Variants in NAV1 observed in about 807,000 individuals in gnomAD.
NAV1 encodes neuron navigator 1.
In NAV1, 18 loss-of-function variants were observed where a neutral mutation model predicts 175.2. The observed-to-expected ratio is 0.10, with a 90% CI of 0.07 to 0.15. NAV1 has a LOEUF of 0.15. Ranked by LOEUF, NAV1 falls within the 10% of genes least tolerant of loss-of-function variation. The pLI is 1.00. For synonymous variants in NAV1, 897 were observed against 978.7 expected, an observed-to-expected ratio of 0.92 and a Z score of 1.56; for missense variants, 1,731 against 2,436.6, an observed-to-expected ratio of 0.71 and a Z score of 6.10.
At chr1:201,817,364 T>C (rs1034239908) in intron 29 of NAV1, 79 bp downstream of exon 33, 1 of 1,344,948 alleles carries the variant, frequency 7.4e-7, no homozygotes, top group Non-Finnish European at 1.0e-6. Context: ...CTCACACCTG[T>C]AATCCCAGCA....
chr1:201,746,820 G>C (rs1257021304), intron 3 of NAV1, among the ~76,000 whole-genome samples: 1 of 151,940 alleles, frequency 6.6e-6, no homozygotes, highest in Non-Finnish European at 1.5e-5. Flanking sequence ...GGGAAACATG[G>C]GGAAACCTCC....
chr1:201,568,222 G>A (rs914392664), intron 1 of NAV1, among the ~76,000 whole-genome samples: 5 of 152,186 alleles, frequency 3.3e-5, no homozygotes, highest in African/African-American at 1.2e-4. Flanking sequence ...ATCAGAGCAA[G>A]CCCCTTGCCC....
Position 201,785,296 on chromosome 1 carries a change from T to G in NAV1, c.2805-14T>G, listed in dbSNP as rs12146023. The G allele has an allele frequency of 6.2e-7, 1 of 1,600,560 alleles. No homozygotes were observed. The highest frequency in any genetic ancestry group is 2.2e-5 in the East Asian group (1 of 44,824). ...TCTCTCTCTCTCTTTTTTTTTTTTT[T>G]TTTATCTCCACAGTAATCAGCGGGA... is the stretch of plus-strand genomic sequence containing the variant. On this transcript the variant is annotated splice_polypyrimidine_tract_variant and intron_variant, in intron 7 of 29. Transcript: ENST00000367296.
chr1:201,635,472 T>C (rs953376698), intron 2 of NAV1, among the ~76,000 whole-genome samples: 2 of 152,204 alleles, frequency 1.3e-5, no homozygotes, highest in Non-Finnish European at 2.9e-5. Flanking sequence ...AGCCTAGAGC[T>C]GTGCAGTGTA....
In NAV1 at chr1:201,694,041, G is replaced by T. The variant is rs906692162; in HGVS notation, c.758-18776G>T. On this transcript the variant is annotated intron_variant, in intron 1 of 29. Coordinates refer to ENST00000367296, the Ensembl canonical transcript of NAV1. This position sits in a 1 kb window ranked among gnomAD's most constrained non-coding sequence, Gnocchi z 4.2. Reference sequence around the variant, plus strand: ...TCTCCACAGTGTGTCCCCCAGTTTGGCTTCCTGGTGGGGGAGGGGACACAC... The same window carrying T: ...TCTCCACAGTGTGTCCCCCAGTTTGTCTTCCTGGTGGGGGAGGGGACACAC... 2.6e-5 allele frequency among the ~76,000 whole-genome samples: 4 copies of T among 152,230 alleles called. No homozygotes were observed. Among genetic ancestry groups the T allele is most frequent in the Non-Finnish European group, 5.9e-5 (4 of 68,038 alleles).
At chr1:201,616,442 A>T (rs1422676998) in intron 2 of NAV1, among the ~76,000 whole-genome samples, 4 of 152,016 alleles carry the variant, frequency 2.6e-5, no homozygotes, top group Non-Finnish European at 5.9e-5. Flanking sequence ...CCTCACTGAC[A>T]GATCATGACA....
intron 3 of NAV1, among the ~76,000 whole-genome samples, chr1:201,751,978 G>A (rs1413305253): frequency 6.6e-6 from 1 of 152,110 alleles, no homozygotes; most frequent in African/African-American, 2.4e-5. Flanking sequence ...TCACATGCAT[G>A]GAAAACTCAC....
rs149346686 is a variant in NAV1 at position 201,763,357 on chromosome 1, G to C, written c.1227-17064G>C. Among the ~76,000 whole-genome samples the C allele has an allele frequency of 1.1e-3, 175 of 152,302 alleles. 4 individuals carry two copies. The East Asian group carries it at 0.03, about 26-fold the overall frequency. The stretch of plus-strand genomic sequence containing the variant: ...GGACTGCCTTTTATCTTTTGAAGGT[G>C]AATTTGATGGTATCCCTGAGAATTT... On this transcript the variant is annotated intron_variant, in intron 3 of 29. Transcript: ENST00000367296.
In NAV1 at chr1:201,810,020, C is replaced by T; in HGVS notation, c.4476C>T (p.Ser1492=). The T allele has an allele frequency of 6.2e-7, 1 of 1,614,130 alleles. No homozygotes were observed. The highest frequency in any genetic ancestry group is 8.5e-7 in the Non-Finnish European group (1 of 1,180,028). Reference sequence around the variant, plus strand: ...AGTCCATCCATGGCTACAGCATCAGCCACGTGAAACGAGTGTTGGATGCAG... The same window carrying T: ...AGTCCATCCATGGCTACAGCATCAGTCACGTGAAACGAGTGTTGGATGCAG... The change falls in exon 23 of 30, where the codon AGC becomes AGT. Residue 1492 remains serine, a synonymous_variant. Transcript: ENST00000367296. The surrounding 1 kb of genome is among the most constrained non-coding windows in gnomAD (Gnocchi z 6.0).
At chr1:201,560,621 T>G (rs1666169274) in intron 1 of NAV1, among the ~76,000 whole-genome samples, 2 of 152,218 alleles carry the variant, frequency 1.3e-5, no homozygotes, top group African/African-American at 4.8e-5. Context: ...CAGCAGGCCC[T>G]GAGAAACAGG....
chr1:201,684,407 A>G (rs968409805), intron 1 of NAV1, among the ~76,000 whole-genome samples: 79 of 151,966 alleles, frequency 5.2e-4, no homozygotes, highest in African/African-American at 1.7e-3. Context: ...AATATTAGTT[A>G]ATACTGATGT....
chr1:201,804,438 C>CTTT, intron 16 of NAV1, 51 bp from the exon 21 acceptor site: 1 of 1,153,774 alleles, frequency 8.7e-7, no homozygotes. Context: ...AGTGTTGATT[C>CTTT]TTTTTTTTTT....
intron 1 of NAV1, among the ~76,000 whole-genome samples, chr1:201,670,377 T>C (rs1669991531): frequency 1.3e-5 from 1 of 78,954 alleles, no homozygotes; most frequent in African/African-American, 5.9e-5. Context: ...CGAGACTCCA[T>C]CTCAAAAAAA....
chr1:201,696,959 G>C (rs1671218940), intron 1 of NAV1, among the ~76,000 whole-genome samples: 1 of 152,154 alleles, frequency 6.6e-6, no homozygotes, highest in African/African-American at 2.4e-5. Flanking sequence ...TCTTGCCTCA[G>C]AACATTGCCT....
chr1:201,689,509 T>C, intron 1 of NAV1, among the ~76,000 whole-genome samples: 1 of 152,194 alleles, frequency 6.6e-6, no homozygotes, highest in East Asian at 1.9e-4. Flanking sequence ...CAGAGACTCC[T>C]AGGTTCATAA....
intron 1 of NAV1, among the ~76,000 whole-genome samples, chr1:201,572,093 T>G (rs1464467949): frequency 6.6e-6 from 1 of 152,204 alleles, no homozygotes; most frequent in East Asian, 1.9e-4. Flanking sequence ...TTTACTCAGG[T>G]TCCTCAGAGA....
chr1:201,593,902 G>A (rs181879500), intron 2 of NAV1, among the ~76,000 whole-genome samples: 136 of 152,230 alleles, frequency 8.9e-4, no homozygotes, highest in Non-Finnish European at 1.5e-3. Context: ...CCAGGATGGG[G>A]ATGAATCAAG....
At chr1:201,624,193 TAGAC>T (rs907027951) in intron 1 of NAV1, among the ~76,000 whole-genome samples, 3 of 152,198 alleles carry the variant, frequency 2.0e-5, no homozygotes, top group African/African-American at 7.2e-5. Context: ...AGTAATGCTT[TAGAC>T]AGACAGGTGT....
intron 3 of NAV1, among the ~76,000 whole-genome samples, chr1:201,748,884 A>G (rs1673931436): frequency 6.6e-6 from 1 of 152,130 alleles, no homozygotes; most frequent in African/African-American, 2.4e-5. Context: ...GTGGTGGTTC[A>G]CACCTGTAAT....
Sources: gnomAD v4.1 joint callset for allele counts (sites outside exome capture counted in the v4.1 genomes callset) on GRCh38, gnomAD v4.1.1 for gene constraint, Gnocchi (gnomAD v3.1) non-coding constraint, MANE v1.5 for transcripts, NCBI Gene and HGNC (gene_info 2026-07-23, HGNC 2026-07-21) for gene names.